The following COLGALT2 variants were observed in gnomAD, a reference collection of about 807,000 sequenced individuals.
COLGALT2 encodes the protein procollagen galactosyltransferase 2.
In COLGALT2, 49 loss-of-function variants were observed where a neutral mutation model predicts 73.4. The observed-to-expected ratio is 0.67, with a 90% CI of 0.53 to 0.85. The LOEUF is 0.85. Ranked by LOEUF, COLGALT2 falls within the 40% of genes least tolerant of loss-of-function variation. COLGALT2 has a pLI of 0.00. For synonymous variants in COLGALT2, 295 were observed against 307.6 expected (o/e 0.96, Z 0.43); for missense variants, 722 against 790.2 (o/e 0.91, Z 1.03).
chr1:184,018,888 G>A (rs1356285633), intron 1 of COLGALT2, among the ~76,000 whole-genome samples: 2 of 152,146 alleles, frequency 1.3e-5, no homozygotes, highest in African/African-American at 4.8e-5. Flanking sequence ...CAGGGAAGGA[G>A]GGGAAGCGTT....
Position 183,973,652 on chromosome 1 carries a change from G to GC in COLGALT2, c.590dup (p.Leu198ProfsTer4). The GC allele has an allele frequency of 6.2e-7, 1 of 1,613,968 alleles. No homozygotes were observed. Among genetic ancestry groups the GC allele is most frequent in the Non-Finnish European group, 8.5e-7 (1 of 1,179,964 alleles). On this transcript the variant is annotated frameshift_variant, in exon 4 of 12. Transcript: ENST00000361927. LOFTEE classifies it high-confidence loss of function. The stretch of plus-strand genomic sequence containing the variant: ...TTCCGCACCAGAAATTAGAATACAG[G>GC]CCCCGAGACTCCAGCATGGGGGCCA...
At chr1:183,980,707 G>T (rs528342347) in intron 1 of COLGALT2, among the ~76,000 whole-genome samples, 6 of 152,018 alleles carry the variant, frequency 3.9e-5, no homozygotes, top group African/African-American at 9.6e-5. Flanking sequence ...TTCTAATATT[G>T]CAAGTATAAT....
chr1:183,939,334 A>T (rs190223656), intron 11 of COLGALT2, among the ~76,000 whole-genome samples: 1 of 152,348 alleles, frequency 6.6e-6, no homozygotes, highest in East Asian at 1.9e-4. Flanking sequence ...GACCATAATG[A>T]TAAATAAATA....
chr1:184,020,340 G>A (rs944958995), intron 1 of COLGALT2, among the ~76,000 whole-genome samples: 7 of 152,086 alleles, frequency 4.6e-5, no homozygotes, highest in African/African-American at 1.7e-4. Context: ...TAAATGGATT[G>A]GTAAGAATTA....
Position 183,986,115 on chromosome 1 carries a change from C to G in COLGALT2, c.264-7595G>C, listed in dbSNP as rs534363740. Reference sequence around the variant, plus strand: ...GGCAGAGACATGCTCAGCCACTCAGCAAAATATGCCAATTGATTCTTCTTT... The same window carrying G: ...GGCAGAGACATGCTCAGCCACTCAGGAAAATATGCCAATTGATTCTTCTTT... On this transcript the variant is annotated intron_variant, in intron 1 of 11. Transcript: ENST00000361927. 7.5e-4 allele frequency among the ~76,000 whole-genome samples: 114 copies of G among 152,286 alleles called. 1 individual carries two copies. The highest frequency in any genetic ancestry group is 2.6e-3 in the African/African-American group (108 of 41,560).
At position 183,954,754 on chromosome 1, in the gene COLGALT2, T is replaced by C; in HGVS notation, c.1029+8A>G. On this transcript the variant is annotated splice_region_variant and intron_variant, in intron 7 of 11. Coordinates refer to ENST00000361927, the MANE Select transcript of COLGALT2 (RefSeq NM_015101.4). ...GCATGTGCACACACATATAGACACC[T>C]TTCCTACCTCATCAAATCCCATCTT... 5.0e-6 allele frequency: 8 copies of C among 1,607,264 alleles called. No homozygotes were observed. Among genetic ancestry groups the C allele is most frequent in the Non-Finnish European group, 6.0e-6 (7 of 1,174,088 alleles).
At chr1:183,940,551 A>G (rs773261512) in intron 11 of COLGALT2, 30 bp downstream of exon 11, 76 of 1,600,298 alleles carry the variant, frequency 4.7e-5, no homozygotes, top group Non-Finnish European at 6.4e-5. Context: ...GCTGTGCCCA[A>G]GGGAAGGCAG....
intron 1 of COLGALT2, among the ~76,000 whole-genome samples, chr1:183,979,369 A>G (rs752971427): frequency 4.6e-5 from 7 of 152,150 alleles, no homozygotes; most frequent in Non-Finnish European, 5.9e-5. Flanking sequence ...ACGAGGTAGA[A>G]TTCAGGCCAA....
intron 4 of COLGALT2, 100 bp downstream of exon 4, chr1:183,973,516 T>A: frequency 6.8e-7 from 1 of 1,464,070 alleles, no homozygotes; most frequent in Non-Finnish European, 9.4e-7. Flanking sequence ...ACACGCATGT[T>A]TCAAGGGAGT....
chr1:183,966,001 C>T (rs191100002), intron 5 of COLGALT2, among the ~76,000 whole-genome samples: 2 of 152,262 alleles, frequency 1.3e-5, no homozygotes, highest in East Asian at 3.9e-4. Flanking sequence ...AAATAATGCC[C>T]ACGGTGAAGC....
chr1:183,973,871 A>T, intron 3 of COLGALT2, 121 bp from the exon 4 acceptor site: 1 of 875,094 alleles, frequency 1.1e-6, no homozygotes, highest in South Asian at 1.8e-5. Context: ...CCAGCTATCT[A>T]TGTCCTCCTT....
At chr1:183,975,587 C>T (rs982981308) in intron 2 of COLGALT2, among the ~76,000 whole-genome samples, 10 of 152,218 alleles carry the variant, frequency 6.6e-5, no homozygotes, top group Non-Finnish European at 8.8e-5. Flanking sequence ...GCTCATGTTC[C>T]TAGACAATTT....
intron 1 of COLGALT2, among the ~76,000 whole-genome samples, chr1:183,987,955 C>T (rs2102827492): frequency 6.6e-6 from 1 of 152,242 alleles, no homozygotes; most frequent in Middle Eastern, 3.4e-3. Flanking sequence ...AATATTCCAC[C>T]CTGGCAGGAG....
rs753468101 is a variant in COLGALT2 at position 183,937,600 on chromosome 1, C to A, written c.*1161G>T. 3.0e-6 allele frequency: 3 copies of A among 985,362 alleles called. No individual in the cohort carries two copies. The highest frequency in any genetic ancestry group is 3.6e-6 in the Non-Finnish European group (3 of 829,952). 61.0% of individuals were successfully genotyped at this position (985,362 alleles called of 1,614,324 possible). A position where few individuals can be genotyped will look rare whatever the true frequency, so the allele number is the denominator to read the frequency against. ...TTGTTTCCAAATAGTTCAAATCCCC[C>A]CATCCACAGGCCTCCCCACAAGAGC... On this transcript the variant is annotated 3_prime_UTR_variant, in exon 12 of 12. Transcript: ENST00000361927.
chr1:183,973,733 A>G lies in COLGALT2; in HGVS notation c.510T>C (p.Asn170=). Residue 170 remains asparagine, a synonymous_variant, in exon 4 of 12, where the codon AAT becomes AAC. Transcript: ENST00000361927. ...SDYILFIDVD[N]FLTNPQTLNL... is the part of the protein sequence containing the mutation. Reference sequence around the variant, plus strand: ...TGAGGGTCTGTGGATTAGTCAGGAAATTGTCAACATCTATGAACTAGGAAA... The same window carrying G: ...TGAGGGTCTGTGGATTAGTCAGGAAGTTGTCAACATCTATGAACTAGGAAA... 3 of 1,613,814 alleles carry G rather than the reference A, an allele frequency of 1.9e-6. No individual in the cohort carries two copies. Among genetic ancestry groups the G allele is most frequent in the Non-Finnish European group, 2.5e-6 (3 of 1,179,808 alleles).
At chr1:183,980,857 T>C (rs1012175486) in intron 1 of COLGALT2, among the ~76,000 whole-genome samples, 1 of 151,976 alleles carries the variant, frequency 6.6e-6, no homozygotes, top group African/African-American at 2.4e-5. Context: ...ATTAAGAAAA[T>C]ATAGCATGGT....
intron 6 of COLGALT2, among the ~76,000 whole-genome samples, chr1:183,960,073 C>G (rs1670657182): frequency 6.6e-6 from 1 of 152,114 alleles, no homozygotes; most frequent in Admixed American, 6.6e-5. Context: ...TGCTTTATGC[C>G]CAGCATCTTG....
intron 1 of COLGALT2, among the ~76,000 whole-genome samples, chr1:183,979,858 G>C (rs2102820973): frequency 6.6e-6 from 1 of 152,150 alleles, no homozygotes; most frequent in South Asian, 2.1e-4. Flanking sequence ...ACATCTGCTA[G>C]CACTGACCAA....
Position 184,001,221 on chromosome 1 carries a change from T to C in COLGALT2, c.264-22701A>G, listed in dbSNP as rs548101736. ...TATGTTGTTCTTTTTTGGTAATCTA[T>C]CCTTTCTCTCTGCTGTTTTAAAGGT... is the stretch of plus-strand genomic sequence containing the variant. On this transcript the variant is annotated intron_variant, in intron 1 of 11. Coordinates refer to ENST00000361927, the MANE Select transcript of COLGALT2 (RefSeq NM_015101.4). 2.0e-5 allele frequency among the ~76,000 whole-genome samples: 3 copies of C among 152,284 alleles called. No homozygotes were observed. The South Asian group carries it at 6.2e-4, about 32-fold the overall frequency.
Sources: allele counts gnomAD v4.1 joint callset (sites outside exome capture counted in the v4.1 genomes callset), GRCh38; gene constraint gnomAD v4.1.1; transcripts MANE v1.5; gene names NCBI Gene and HGNC (gene_info 2026-07-23, HGNC 2026-07-21).